ANKAR: variants seen among roughly 807,000 people sequenced by gnomAD.
ANKAR encodes the protein ankyrin and armadillo repeat-containing protein.
In ANKAR, 136 loss-of-function variants were observed where a neutral mutation model predicts 146.2. That is an observed-to-expected ratio of 0.93 (90% CI 0.81 to 1.07). ANKAR has a LOEUF of 1.07. Among genes scored for constraint, ANKAR ranks in the 50% least tolerant of loss-of-function variants. ANKAR has a pLI of 0.00. For synonymous variants in ANKAR, 500 were observed against 575.8 expected, an observed-to-expected ratio of 0.87 and a Z score of 1.88; for missense variants, 1,567 against 1,679.9, an observed-to-expected ratio of 0.93 and a Z score of 1.18.
At chr2:189,687,691 T>C (rs895140244) in intron 2 of ANKAR, among the ~76,000 whole-genome samples, 6 of 152,198 alleles carry the variant, frequency 3.9e-5, no homozygotes, top group African/African-American at 1.4e-4. Context: ...ATAGTTTTGA[T>C]TTGCATTTCT....
At chr2:189,722,513 C>T (rs1368195673) in intron 12 of ANKAR, among the ~76,000 whole-genome samples, 1 of 151,914 alleles carries the variant, frequency 6.6e-6, no homozygotes, top group East Asian at 1.9e-4. Context: ...TTTTCCTTTT[C>T]TCAATCCCAG....
chr2:189,696,572 CATT>C (rs2037235629), intron 7 of ANKAR, among the ~76,000 whole-genome samples: 1 of 152,080 alleles, frequency 6.6e-6, no homozygotes, highest in Non-Finnish European at 1.5e-5. Context: ...TATATTTGCT[CATT>C]GTGTCTCCTT....
In ANKAR at chr2:189,720,513, T is replaced by G. The variant is rs980738231; in HGVS notation, c.2467-106T>G. 8.7e-6 allele frequency: 6 copies of G among 691,046 alleles called. No homozygotes were observed. The Admixed American group carries it at 1.3e-4, about 14-fold the overall frequency. The allele number at this position is 691,046 out of a possible 1,614,324, so 42.8% of individuals were successfully genotyped here. ...CGCCTGCCTCGGCCTCCCAAAGTGC[T>G]GGGATTACAGGCGTGAGCCACCACT... On this transcript the variant is annotated intron_variant, in intron 11 of 22. Coordinates refer to ENST00000684021, the MANE Select transcript of ANKAR (RefSeq NM_001378068.1).
intron 7 of ANKAR, among the ~76,000 whole-genome samples, chr2:189,698,242 C>A (rs2037532858): frequency 6.6e-6 from 1 of 152,054 alleles, no homozygotes; most frequent in Non-Finnish European, 1.5e-5. Context: ...GTTTTGTATT[C>A]ATTTTGAAGC....
At chr2:189,745,479 T>A in intron 22 of ANKAR, among the ~76,000 whole-genome samples, 1 of 152,162 alleles carries the variant, frequency 6.6e-6, no homozygotes, top group East Asian at 1.9e-4. Context: ...TTTTTTCCAT[T>A]GATACTCTAT....
intron 6 of ANKAR, among the ~76,000 whole-genome samples, 174 bp from the exon 7 acceptor site, chr2:189,695,976 C>T (rs529830576): frequency 6.6e-6 from 1 of 152,140 alleles, no homozygotes; most frequent in Non-Finnish European, 1.5e-5. Flanking sequence ...GCTTATAGCT[C>T]TAACTACTTT....
At chr2:189,721,805 G>A (rs1679411349) in intron 12 of ANKAR, among the ~76,000 whole-genome samples, 1 of 152,140 alleles carries the variant, frequency 6.6e-6, no homozygotes, top group South Asian at 2.1e-4. Flanking sequence ...TCCTCTTCCA[G>A]TTCACCAGGA....
chr2:189,762,515 AT>A (rs1358081811), downstream of ANKAR: 5 of 849,042 alleles, frequency 5.9e-6, no homozygotes, highest in Non-Finnish European at 7.1e-6. Flanking sequence ...GACAAGGAGG[AT>A]TGTACGAAGC....
chr2:189,739,400 A>G (rs1477639592), intron 19 of ANKAR, among the ~76,000 whole-genome samples: 1 of 152,210 alleles, frequency 6.6e-6, no homozygotes, highest in Admixed American at 6.5e-5. Context: ...GTATATGTGC[A>G]TGGCAAGGAA....
At chr2:189,743,748 T>C (rs1286164363) in intron 21 of ANKAR, among the ~76,000 whole-genome samples, 1 of 152,186 alleles carries the variant, frequency 6.6e-6, no homozygotes, top group Non-Finnish European at 1.5e-5. Flanking sequence ...GGAGACTGGT[T>C]ACCACAACAT....
intron 21 of ANKAR, 70 bp downstream of exon 21, chr2:189,743,544 G>A (rs1253762174): frequency 1.5e-6 from 2 of 1,345,316 alleles, no homozygotes; most frequent in African/African-American, 2.9e-5. Flanking sequence ...GGTTTAGTAA[G>A]ATCCAACAAG....
At chr2:189,731,379 T>TTA (rs1553530168) in intron 16 of ANKAR, among the ~76,000 whole-genome samples, 1 of 148,286 alleles carries the variant, frequency 6.7e-6, no homozygotes, top group Non-Finnish European at 1.5e-5. Flanking sequence ...CTTTTTTCTT[T>TTA]TTTTTTTTTT....
downstream of ANKAR, chr2:189,761,544 G>C (rs777453447): frequency 3.7e-6 from 6 of 1,611,792 alleles, no homozygotes; most frequent in Middle Eastern, 3.3e-4. Context: ...TGAAGAAATA[G>C]TGTTCCAGGA....
At chr2:189,751,911 C>T (rs1338475464) in intron 18 of ANKAR, among the ~76,000 whole-genome samples, 5 of 150,976 alleles carry the variant, frequency 3.3e-5, no homozygotes, top group East Asian at 2.0e-4. Context: ...TTTGGGAGGC[C>T]GAGGTGGGTG....
At chr2:189,759,398 G>A (rs931513115) in intron 18 of ANKAR, among the ~76,000 whole-genome samples, 2 of 152,138 alleles carry the variant, frequency 1.3e-5, no homozygotes, top group Middle Eastern at 3.4e-3. Flanking sequence ...ACAGGCGTCC[G>A]CCACCACGCC....
intron 12 of ANKAR, among the ~76,000 whole-genome samples, chr2:189,721,884 T>C (rs1303833596): frequency 1.3e-5 from 2 of 152,204 alleles, no homozygotes; most frequent in Non-Finnish European, 2.9e-5. Flanking sequence ...GTAGAAGCGA[T>C]CTTTCCTTTA....
chr2:189,692,524 A>G, intron 4 of ANKAR, 106 bp downstream of exon 4: 1 of 954,240 alleles, frequency 1.0e-6, no homozygotes, highest in Non-Finnish European at 1.5e-6. Flanking sequence ...AGCTCTCCAA[A>G]TGATTATTCT....
downstream of ANKAR, chr2:189,761,614 T>C (rs373719045): frequency 6.2e-7 from 1 of 1,604,448 alleles, no homozygotes; most frequent in African/African-American, 1.3e-5. Flanking sequence ...TAAAAAAAAC[T>C]CCTGCAGTCT....
At chr2:189,725,243 A>T (rs2041739854) in intron 12 of ANKAR, among the ~76,000 whole-genome samples, 1 of 151,020 alleles carries the variant, frequency 6.6e-6, no homozygotes, top group African/African-American at 2.4e-5. Context: ...ATACACATAC[A>T]TATATATGTA....
Sources: allele counts gnomAD v4.1 joint callset (sites outside exome capture counted in the v4.1 genomes callset), GRCh38; gene constraint gnomAD v4.1.1; transcripts MANE v1.5; gene names NCBI Gene and HGNC (gene_info 2026-07-23, HGNC 2026-07-21).